The following PRKCE variants were observed in gnomAD, a reference collection of about 807,000 sequenced individuals.
PRKCE encodes protein kinase C epsilon type.
A neutral mutation model predicts 85.4 loss-of-function variants in PRKCE; 16 were observed. That is an observed-to-expected ratio of 0.19 (90% CI 0.13 to 0.28). PRKCE has a LOEUF of 0.28. Among genes scored for constraint, PRKCE ranks in the 10% least tolerant of loss-of-function variants. PRKCE has a pLI of 1.00. For missense variants in PRKCE, 573 were observed against 975.2 expected (o/e 0.59, Z 5.49); for synonymous variants, 388 against 371.5 (o/e 1.04, Z -0.51).
At chr2:45,868,136 T>A (rs1693757052) in intron 2 of PRKCE, among the ~76,000 whole-genome samples, 1 of 151,592 alleles carries the variant, frequency 6.6e-6, no homozygotes. Context: ...ATCTGCAAAG[T>A]TTTAAAAACA....
In PRKCE at chr2:45,946,571, G is replaced by C. The variant is rs943506286; in HGVS notation, c.413-29858G>C. Among the ~76,000 whole-genome samples the C allele has an allele frequency of 4.6e-5, 7 of 152,200 alleles. 1 individual carries two copies. Among genetic ancestry groups the C allele is most frequent in the African/African-American group, 1.4e-4 (6 of 41,454 alleles). On this transcript the variant is annotated intron_variant, in intron 2 of 14. Coordinates refer to ENST00000306156, the MANE Select transcript of PRKCE (RefSeq NM_005400.3). The stretch of plus-strand genomic sequence containing the variant: ...AACGATGGTGAGAATCCCCCTGCCA[G>C]CTCATTGCCTCTAATCTTGGTGAAA...
chr2:46,005,467 T>C (rs1354805907), intron 8 of PRKCE, among the ~76,000 whole-genome samples: 1 of 152,204 alleles, frequency 6.6e-6, no homozygotes, highest in Non-Finnish European at 1.5e-5. Flanking sequence ...ATCCTAATTT[T>C]ATGCCCATAC....
At chr2:45,761,901 G>T (rs780588653) in intron 1 of PRKCE, among the ~76,000 whole-genome samples, 1 of 152,066 alleles carries the variant, frequency 6.6e-6, no homozygotes, top group Non-Finnish European at 1.5e-5. Context: ...CAGAGTCCAG[G>T]TCTCCTTGTT....
intron 1 of PRKCE, among the ~76,000 whole-genome samples, chr2:45,690,670 G>A (rs1000601062): frequency 2.6e-5 from 4 of 152,236 alleles, no homozygotes; most frequent in Non-Finnish European, 4.4e-5. Flanking sequence ...TTAAAGAGAA[G>A]GCTGTGTATA....
At chr2:46,102,614 G>C (rs1671349002) in intron 11 of PRKCE, among the ~76,000 whole-genome samples, 1 of 152,052 alleles carries the variant, frequency 6.6e-6, no homozygotes, top group Admixed American at 6.5e-5. Context: ...ATTACATTTA[G>C]TTGTCATGTC....
intron 11 of PRKCE, among the ~76,000 whole-genome samples, chr2:46,101,731 A>G (rs953184379): frequency 8.5e-5 from 13 of 152,184 alleles, no homozygotes; most frequent in African/African-American, 2.7e-4. Context: ...TCGCTGTTTT[A>G]TAGATGACTA....
intron 1 of PRKCE, among the ~76,000 whole-genome samples, chr2:45,809,832 A>G (rs1688527498): frequency 6.6e-6 from 1 of 150,708 alleles, no homozygotes; most frequent in South Asian, 2.1e-4. Context: ...GTGAGCCAAG[A>G]TCGCACTATT....
chr2:45,893,353 C>CTT lies in PRKCE; in HGVS notation c.412+50305_412+50306dup, dbSNP rs61708342. ...TGGCTCATGTCTTTTCTTTTCTTTT[C>CTT]TTTTTTTTTTTTTTTTGAGATGAGG... is the stretch of plus-strand genomic sequence containing the variant. On this transcript the variant is annotated intron_variant, in intron 2 of 14. Coordinates refer to ENST00000306156, the MANE Select transcript of PRKCE (RefSeq NM_005400.3). Among the ~76,000 whole-genome samples, 584 of 136,402 alleles carry CTT rather than the reference C, an allele frequency of 4.3e-3. 4 individuals carry two copies. The highest frequency in any genetic ancestry group is 4.5e-3 in the Non-Finnish European group (293 of 64,430). 89.5% of individuals were successfully genotyped at this position (136,402 alleles called of 152,430 possible).
intron 4 of PRKCE, among the ~76,000 whole-genome samples, chr2:45,979,526 C>A (rs1233924501): frequency 1.3e-5 from 2 of 152,104 alleles, no homozygotes; most frequent in Non-Finnish European, 2.9e-5. Flanking sequence ...GAAGATTATT[C>A]CTTTCCAGTT....
chr2:45,860,734 T>C (rs1992932), intron 2 of PRKCE, among the ~76,000 whole-genome samples: 101,694 of 151,938 alleles, frequency 0.67, 34,832 homozygotes, highest in East Asian at 0.99. Flanking sequence ...CTTTGGCCAG[T>C]GCTCTCTTCA....
chr2:46,031,590 T>C (rs1049776471), intron 10 of PRKCE, among the ~76,000 whole-genome samples: 8 of 109,602 alleles, frequency 7.3e-5, no homozygotes, highest in Non-Finnish European at 1.5e-4. Flanking sequence ...TACATTCTGC[T>C]CGTGTGTGTG....
intron 14 of PRKCE, among the ~76,000 whole-genome samples, chr2:46,168,682 G>A (rs1438267016): frequency 6.6e-6 from 1 of 152,214 alleles, no homozygotes; most frequent in African/African-American, 2.4e-5. Flanking sequence ...AGGGATAACA[G>A]GCAGTAGGGT....
At chr2:46,057,869 T>C (rs2105102562) in intron 10 of PRKCE, among the ~76,000 whole-genome samples, 1 of 152,290 alleles carries the variant, frequency 6.6e-6, no homozygotes, top group Middle Eastern at 3.4e-3. Flanking sequence ...AAGCAACAAC[T>C]TGTGAAAAGA....
intron 1 of PRKCE, among the ~76,000 whole-genome samples, chr2:45,674,064 T>G (rs1301188998): frequency 6.6e-6 from 1 of 152,244 alleles, no homozygotes; most frequent in African/African-American, 2.4e-5. Flanking sequence ...TCTCAATATT[T>G]CATTTCCTTG....
chr2:45,934,773 G>A (rs1045082534), intron 2 of PRKCE, among the ~76,000 whole-genome samples: 1 of 151,966 alleles, frequency 6.6e-6, no homozygotes, highest in African/African-American at 2.4e-5. Flanking sequence ...CCACAATTGG[G>A]CTGGGCATGG....
At chr2:46,140,893 C>A (rs1675450409) in intron 11 of PRKCE, among the ~76,000 whole-genome samples, 1 of 152,110 alleles carries the variant, frequency 6.6e-6, no homozygotes, top group Non-Finnish European at 1.5e-5. Flanking sequence ...AAATACAGAT[C>A]TCTTTTGAAT....
intron 2 of PRKCE, among the ~76,000 whole-genome samples, chr2:45,945,152 G>C (rs147241140): frequency 5.3e-5 from 8 of 152,310 alleles, no homozygotes; most frequent in Non-Finnish European, 1.0e-4. Flanking sequence ...CCTGGGGAAG[G>C]CTGCTGTGTG....
chr2:46,103,030 T>C (rs1213920055), intron 11 of PRKCE, among the ~76,000 whole-genome samples: 1 of 152,232 alleles, frequency 6.6e-6, no homozygotes, highest in South Asian at 2.1e-4. Context: ...AGAGTAGCAA[T>C]GTAATTTATT....
At chr2:46,048,026 A>T (rs1477494044) in intron 10 of PRKCE, among the ~76,000 whole-genome samples, 1 of 152,244 alleles carries the variant, frequency 6.6e-6, no homozygotes, top group Non-Finnish European at 1.5e-5. Flanking sequence ...ATCAATAGTT[A>T]TCAAACCAGT....
Sources: allele counts gnomAD v4.1 joint callset (sites outside exome capture counted in the v4.1 genomes callset), GRCh38; gene constraint gnomAD v4.1.1; transcripts MANE v1.5; gene names NCBI Gene and HGNC (gene_info 2026-07-23, HGNC 2026-07-21).